The following XRCC6 variants were observed in gnomAD, a reference collection of about 807,000 sequenced individuals.
The protein encoded by XRCC6 is X-ray repair cross complementing 6.
XRCC6 carries 5 observed loss-of-function variants against 65.7 expected under a neutral mutation model. The observed-to-expected ratio is 0.08, with a 90% CI of 0.04 to 0.16. The LOEUF is 0.16. XRCC6 is among the 10% of genes least tolerant of loss of function. The pLI, the probability that XRCC6 is intolerant of heterozygous loss-of-function variation, is 1.00. For missense variants in XRCC6, 447 were observed against 738.1 expected (o/e 0.61, Z 4.57); for synonymous variants, 270 against 270.6 (o/e 1.00, Z 0.02).
At chr22:41,628,276 C>A in intron 3 of XRCC6, 46 bp downstream of exon 3, 2 of 1,527,546 alleles carry the variant, frequency 1.3e-6, no homozygotes, top group Non-Finnish European at 9.0e-7. Context: ...ACAGTATTGG[C>A]TGGGCATGGT....
intron 7 of XRCC6, among the ~76,000 whole-genome samples, chr22:41,649,847 A>T (rs111644883): frequency 0.028 from 2,620 of 92,958 alleles, 75 homozygotes; most frequent in African/African-American, 0.071. Context: ...TCAAAAAAAA[A>T]AATAATAATA....
At chr22:41,655,304 G>A (rs1230499127) in intron 9 of XRCC6, among the ~76,000 whole-genome samples, 1 of 150,246 alleles carries the variant, frequency 6.7e-6, no homozygotes, top group African/African-American at 2.4e-5. Flanking sequence ...CCACAAAATT[G>A]TTAAGGGAAA....
chr22:41,636,086 A>C, intron 3 of XRCC6, 27 bp from the exon 4 acceptor site: 1 of 1,558,954 alleles, frequency 6.4e-7, no homozygotes, highest in Non-Finnish European at 8.6e-7. Context: ...AGTGGTAAGT[A>C]AATATTAATT....
chr22:41,627,956 G>A (rs946565275), intron 2 of XRCC6, among the ~76,000 whole-genome samples, 162 bp from the exon 3 acceptor site: 6 of 152,148 alleles, frequency 3.9e-5, no homozygotes, highest in African/African-American at 1.4e-4. Context: ...TTTCTGGGGT[G>A]TCTGGCAAGA....
chr22:41,658,674 G>C (rs1416598942), intron 11 of XRCC6, among the ~76,000 whole-genome samples: 1 of 152,218 alleles, frequency 6.6e-6, no homozygotes, highest in Non-Finnish European at 1.5e-5. Context: ...CCAGCACTTT[G>C]GGAGGCCGAG....
chr22:41,642,878 C>G (rs1217851198), intron 6 of XRCC6, among the ~76,000 whole-genome samples: 2 of 152,206 alleles, frequency 1.3e-5, no homozygotes, highest in African/African-American at 4.8e-5. Context: ...GTTACCAACA[C>G]TCATCTGTGA....
chr22:41,632,353 G>A (rs1227872516), intron 3 of XRCC6, among the ~76,000 whole-genome samples: 1 of 152,120 alleles, frequency 6.6e-6, no homozygotes, highest in East Asian at 1.9e-4. Flanking sequence ...GCTCACGCCT[G>A]TAATCCCAGC....
At chr22:41,626,073 T>A (rs1391998786) in intron 2 of XRCC6, among the ~76,000 whole-genome samples, 1 of 150,186 alleles carries the variant, frequency 6.7e-6, no homozygotes, top group South Asian at 2.2e-4. Flanking sequence ...CTCTTGACCT[T>A]GTGATCCACA....
At position 41,660,044 on chromosome 22, in the gene XRCC6, G is replaced by C. The variant is rs149753987; in HGVS notation, c.1523-1287G>C. ...CAGATTGGGAGCCAGTGCTCTTGCA[G>C]AGGTTCCCATGATGTGGACCAGGGG... On this transcript the variant is annotated intron_variant, in intron 11 of 12. Coordinates refer to ENST00000360079, the MANE Select transcript of XRCC6 (RefSeq NM_001469.5). 1.9e-3 allele frequency among the ~76,000 whole-genome samples: 289 copies of C among 152,368 alleles called. 2 individuals are homozygous for C. Among genetic ancestry groups the C allele is most frequent in the Non-Finnish European group, 2.3e-3 (155 of 68,040 alleles).
At chr22:41,656,189 G>C (rs2068042911) in intron 9 of XRCC6, among the ~76,000 whole-genome samples, 1 of 145,880 alleles carries the variant, frequency 6.9e-6, no homozygotes, top group African/African-American at 2.5e-5. Flanking sequence ...CTGCATTCCA[G>C]CCTGGGTGAT....
chr22:41,656,176 C>T (rs1369363248), intron 9 of XRCC6, among the ~76,000 whole-genome samples: 1 of 147,878 alleles, frequency 6.8e-6, no homozygotes, highest in South Asian at 2.1e-4. Context: ...TGTGATCACA[C>T]CACTGCATTC....
intron 2 of XRCC6, among the ~76,000 whole-genome samples, chr22:41,626,221 C>CA (rs1245721668): frequency 6.6e-6 from 1 of 151,614 alleles, no homozygotes; most frequent in Non-Finnish European, 1.5e-5. Context: ...TGGCTCACTG[C>CA]AGCCTCTGCG....
intron 6 of XRCC6, among the ~76,000 whole-genome samples, chr22:41,645,316 AAAACAAAAAAAAAC>A (rs2067920174): frequency 6.6e-6 from 1 of 151,880 alleles, no homozygotes; most frequent in Admixed American, 6.6e-5. Context: ...AAAAAAACAA[AAAACAAAAAAAAAC>A]AAACAAAAAA....
chr22:41,626,726 C>T (rs991951743), intron 2 of XRCC6, among the ~76,000 whole-genome samples: 1 of 151,922 alleles, frequency 6.6e-6, no homozygotes, highest in Non-Finnish European at 1.5e-5. Flanking sequence ...GAAGCTCCCC[C>T]TCCCGGGTTC....
intron 12 of XRCC6, among the ~76,000 whole-genome samples, chr22:41,663,225 C>G (rs1303696396): frequency 3.3e-5 from 5 of 152,206 alleles, no homozygotes; most frequent in Non-Finnish European, 5.9e-5. Context: ...CAGCCTCAGC[C>G]TGCTGAGTAG....
rs1462388550 is a variant in XRCC6, at chr22:41,627,552, A to C, written c.83-566A>C. Among the ~76,000 whole-genome samples, 11 of 144,192 alleles carry C rather than the reference A, an allele frequency of 7.6e-5. No homozygotes were observed. In the Admixed American group the frequency reaches 7.9e-4, roughly 10 times the overall value. The allele number at this position is 144,192 out of a possible 152,430, so 94.6% of individuals were successfully genotyped here. ...CTTGAACCTGGGAGACGGAGGTCGT[A>C]GTAAGCCGAGATTGTGCCACTGTAC... On this transcript the variant is annotated intron_variant, in intron 2 of 12. Transcript: ENST00000360079.
At chr22:41,639,183 CTGTGAAGAGTT>C (rs1569087352) in intron 6 of XRCC6, among the ~76,000 whole-genome samples, 1 of 152,190 alleles carries the variant, frequency 6.6e-6, no homozygotes, top group East Asian at 1.9e-4. Flanking sequence ...CATTAGGTTA[CTGTGAAGAGTT>C]AGTGAAGAGC....
At chr22:41,652,235 G>T (rs539373477) in intron 8 of XRCC6, among the ~76,000 whole-genome samples, 143 of 102,974 alleles carry the variant, frequency 1.4e-3, no homozygotes, top group Non-Finnish European at 2.9e-3. Flanking sequence ...TATTTGTGCA[G>T]TCTAGACCCT....
At chr22:41,650,175 G>A (rs2067981833) in intron 7 of XRCC6, among the ~76,000 whole-genome samples, 2 of 151,906 alleles carry the variant, frequency 1.3e-5, no homozygotes, top group African/African-American at 4.8e-5. Context: ...CGCCATCTTG[G>A]CACACTGCAT....
Sources: gnomAD v4.1 joint callset for allele counts (sites outside exome capture counted in the v4.1 genomes callset) on GRCh38, gnomAD v4.1.1 for gene constraint, MANE v1.5 for transcripts, NCBI Gene and HGNC (gene_info 2026-07-23, HGNC 2026-07-21) for gene names.